The following IL1RAPL2 variants were observed in gnomAD, a reference collection of about 807,000 sequenced individuals.
The protein encoded by IL1RAPL2 is X-linked interleukin-1 receptor accessory protein-like 2.
A neutral mutation model predicts 44.1 loss-of-function variants in IL1RAPL2; 3 were observed. That is an observed-to-expected ratio of 0.07 (90% confidence interval 0.03 to 0.18). The LOEUF (loss-of-function observed/expected upper bound fraction) is 0.18, where lower values mean the gene tolerates loss of function less well. Among genes scored for constraint, IL1RAPL2 ranks in the 10% least tolerant of loss-of-function variants. IL1RAPL2 has a pLI of 1.00. For missense variants in IL1RAPL2, 391 were observed against 496.4 expected (o/e 0.79, Z 2.02); for synonymous variants, 181 against 178.8 (o/e 1.01, Z -0.10).
chrX:105,142,799 C>T (rs974245896), intron 2 of IL1RAPL2, among the ~76,000 whole-genome samples: 25 of 109,104 alleles, frequency 2.3e-4, no homozygotes, highest in African/African-American at 7.4e-4. Context: ...CACAACAGTC[C>T]CCAGTGTGTG....
intron 2 of IL1RAPL2, among the ~76,000 whole-genome samples, chrX:105,094,567 A>G (rs1353008810): frequency 9.0e-6 from 1 of 111,534 alleles, no homozygotes; most frequent in African/African-American, 3.3e-5. Flanking sequence ...TTTTGCCAGT[A>G]TTGCACTGTT....
chrX:104,578,328 G>A (rs781178185), intron 1 of IL1RAPL2, among the ~76,000 whole-genome samples: 3 of 112,207 alleles, frequency 2.7e-5, no homozygotes, highest in East Asian at 5.6e-4. Context: ...TCCTACTAGT[G>A]CTATCTCCAA....
intron 2 of IL1RAPL2, among the ~76,000 whole-genome samples, chrX:104,856,324 A>G (rs772029037): frequency 8.9e-6 from 1 of 112,199 alleles, no homozygotes; most frequent in Non-Finnish European, 1.9e-5. Context: ...TTAAAGCCCA[A>G]AGCCTTCTAA....
chrX:105,236,844 A>T (rs2034124130), intron 4 of IL1RAPL2, among the ~76,000 whole-genome samples: 1 of 111,086 alleles, frequency 9.0e-6, no homozygotes. Context: ...TATTTTTTAA[A>T]TTTTATTTTT....
chrX:104,695,833 C>T (rs1174511798), intron 2 of IL1RAPL2, among the ~76,000 whole-genome samples: 3 of 110,736 alleles, frequency 2.7e-5, no homozygotes, highest in South Asian at 7.8e-4. Context: ...TTTGAGATGG[C>T]GTCTCACTCT....
At chrX:104,585,393 TAATATATAATATA>T in intron 1 of IL1RAPL2, among the ~76,000 whole-genome samples, 1 of 25,014 alleles carries the variant, frequency 4.0e-5, no homozygotes, top group Non-Finnish European at 5.5e-5. Flanking sequence ...ATATTATATA[TAATATATAATATA>T]TATATAATAT....
chrX:104,883,944 A>G (rs1602780139), intron 2 of IL1RAPL2, among the ~76,000 whole-genome samples: 1 of 111,917 alleles, frequency 8.9e-6, no homozygotes, highest in Non-Finnish European at 1.9e-5. Context: ...CCCTCAGGGT[A>G]TGGCCCTCCA....
intron 5 of IL1RAPL2, among the ~76,000 whole-genome samples, chrX:105,447,950 A>G (rs1224709177): frequency 5.0e-5 from 5 of 99,701 alleles, no homozygotes; most frequent in African/African-American, 1.4e-4. Flanking sequence ...TTAAAAATAT[A>G]AATATATATA....
At chrX:105,640,743 G>GATAGATATAGAT (rs55841072) in intron 6 of IL1RAPL2, among the ~76,000 whole-genome samples, 21 of 77,216 alleles carry the variant, frequency 2.7e-4, no homozygotes, top group East Asian at 8.2e-4. Context: ...TATAGATATA[G>GATAGATATAGAT]ATAGATATAG....
chrX:104,659,038 A>G, intron 2 of IL1RAPL2, 43 bp downstream of exon 2: 1 of 970,170 alleles, frequency 1.0e-6, no homozygotes, highest in Non-Finnish European at 1.5e-6. Context: ...AAAAATGTAC[A>G]GTTTTGTGAG....
chrX:105,072,664 A>C (rs1487752792), intron 2 of IL1RAPL2, among the ~76,000 whole-genome samples: 1 of 110,756 alleles, frequency 9.0e-6, no homozygotes, highest in South Asian at 3.9e-4. Context: ...CTATACTTTA[A>C]GTTCTGTGGT....
intron 9 of IL1RAPL2, among the ~76,000 whole-genome samples, chrX:105,750,864 G>GA (rs5903270): frequency 0.13 from 14,472 of 108,098 alleles, 858 homozygotes; most frequent in South Asian, 0.3. Flanking sequence ...TCTGTACACA[G>GA]AAAAAAAAAC....
At chrX:105,735,257 C>A (rs1026897337) in intron 7 of IL1RAPL2, among the ~76,000 whole-genome samples, 1 of 111,201 alleles carries the variant, frequency 9.0e-6, no homozygotes, top group African/African-American at 3.3e-5. Flanking sequence ...TATAACTTGC[C>A]TTTAATGTTA....
intron 1 of IL1RAPL2, among the ~76,000 whole-genome samples, chrX:104,573,197 TC>T (rs2147989255): frequency 8.9e-6 from 1 of 112,322 alleles, no homozygotes; most frequent in Non-Finnish European, 1.9e-5. Flanking sequence ...GCCAATAATG[TC>T]ATGAAGCAGT....
At chrX:104,836,769 T>G (rs1921754164) in intron 2 of IL1RAPL2, among the ~76,000 whole-genome samples, 1 of 111,350 alleles carries the variant, frequency 9.0e-6, no homozygotes, top group Non-Finnish European at 1.9e-5. Flanking sequence ...ACGTGCAAAG[T>G]GTGCAGGTTT....
At chrX:104,757,716 A>G (rs923821597) in intron 2 of IL1RAPL2, among the ~76,000 whole-genome samples, 1 of 111,815 alleles carries the variant, frequency 8.9e-6, no homozygotes. Flanking sequence ...TTATTATTTT[A>G]TGTTTTTCCA....
At chrX:104,910,254 G>T (rs955895617) in intron 2 of IL1RAPL2, among the ~76,000 whole-genome samples, 1 of 111,797 alleles carries the variant, frequency 8.9e-6, no homozygotes, top group African/African-American at 3.3e-5. Flanking sequence ...CCCACTGTCT[G>T]GCACTCTCTT....
At chrX:105,373,975 C>T (rs969116903) in intron 5 of IL1RAPL2, among the ~76,000 whole-genome samples, 2 of 109,194 alleles carry the variant, frequency 1.8e-5, no homozygotes, top group African/African-American at 6.7e-5. Context: ...AAAAATTAGC[C>T]AGGCATAGTA....
chrX:105,383,152 A>T (rs947856079), intron 5 of IL1RAPL2, among the ~76,000 whole-genome samples: 25 of 104,729 alleles, frequency 2.4e-4, no homozygotes, highest in Non-Finnish European at 4.4e-4. Flanking sequence ...ACGCAAAAAT[A>T]AAAAAAAAAA....
Sources: gnomAD v4.1 joint callset for allele counts (sites outside exome capture counted in the v4.1 genomes callset) on GRCh38, gnomAD v4.1.1 for gene constraint, MANE v1.5 for transcripts, NCBI Gene and HGNC (gene_info 2026-07-23, HGNC 2026-07-21) for gene names.